The following SAP30L variants were observed in gnomAD, a reference collection of about 807,000 sequenced individuals.
SAP30L encodes the protein SAP30 like, also known as histone deacetylase complex subunit SAP30L.
In SAP30L, 10 loss-of-function variants were observed where a neutral mutation model predicts 22.3. The observed-to-expected ratio is 0.45, with a 90% CI of 0.28 to 0.76. SAP30L has a LOEUF of 0.76. Among genes scored for constraint, SAP30L ranks in the 30% least tolerant of loss-of-function variants. SAP30L has a pLI of 0.14. For missense variants in SAP30L, 206 were observed against 237.9 expected (o/e 0.87, Z 0.88); for synonymous variants, 91 against 94.1 (o/e 0.97, Z 0.19).
At position 154,451,222 on chromosome 5, in the gene SAP30L, CAAAG is replaced by C; in HGVS notation, c.324+13_324+16del. ...ACACTGACATTCCTGAGGTAAAGGT[CAAAG>C]AAACCAGTTGCGGAAGCTGGAAGAA... On this transcript the variant is annotated intron_variant, in intron 2 of 3. Coordinates refer to ENST00000297109, the MANE Select transcript of SAP30L (RefSeq NM_024632.6). 1.9e-6 allele frequency: 3 copies of C among 1,610,854 alleles called. No individual in the cohort carries two copies. Among genetic ancestry groups the C allele is most frequent in the Non-Finnish European group, 2.5e-6 (3 of 1,178,794 alleles).
chr5:154,447,384 A>G (rs1033412601), intron 1 of SAP30L, among the ~76,000 whole-genome samples: 6 of 152,214 alleles, frequency 3.9e-5, no homozygotes, highest in African/African-American at 1.4e-4. Context: ...ATGTGACTGG[A>G]GGGGGGAAGA....
chr5:154,451,614 A>G (rs1182507365), intron 2 of SAP30L, among the ~76,000 whole-genome samples: 2 of 152,284 alleles, frequency 1.3e-5, no homozygotes, highest in Non-Finnish European at 2.9e-5. Flanking sequence ...TTTTCCCCAA[A>G]AAATGAAGGT....
At chr5:154,453,567 C>G in intron 3 of SAP30L, 67 bp downstream of exon 3, 1 of 1,047,164 alleles carries the variant, frequency 9.5e-7, no homozygotes, top group Non-Finnish European at 1.5e-6. Flanking sequence ...TACCCTGATT[C>G]TCCCTTACCT....
rs752672594 is a variant in SAP30L, at chr5:154,455,888, C to T, written c.424-12C>T. The stretch of plus-strand genomic sequence containing the variant: ...ATGGTTTAAGGAACTTTGGTATTTT[C>T]CCCCCACATAGACTGTGAGTCGACA... On this transcript the variant is annotated splice_polypyrimidine_tract_variant and intron_variant, in intron 3 of 3. Coordinates refer to ENST00000297109, the MANE Select transcript of SAP30L (RefSeq NM_024632.6). 2 of 1,599,568 alleles carry T rather than the reference C, an allele frequency of 1.3e-6. No homozygotes were observed. Among genetic ancestry groups the T allele is most frequent in the Non-Finnish European group, 1.7e-6 (2 of 1,175,356 alleles).
rs1431127618 is a variant in SAP30L, at chr5:154,460,396, G to GCTGGCC, written c.*4374_*4379dup. 1 of 152,286 alleles carries GCTGGCC rather than the reference G, an allele frequency of 6.6e-6. No homozygotes were observed. The highest frequency in any genetic ancestry group is 1.5e-5 in the Non-Finnish European group (1 of 68,088). The allele number at this position is 152,286 out of a possible 1,614,324, so 9.4% of individuals were successfully genotyped here. On this transcript the variant is annotated 3_prime_UTR_variant, in exon 4 of 4. Coordinates refer to ENST00000297109, the MANE Select transcript of SAP30L (RefSeq NM_024632.6). ...CGATCCTTTGAGGTTGTGTAATTCA[G>GCTGGCC]CTGGCCCTGGCTCCTGGTCCCTGTT...
At chr5:154,451,390 C>G in intron 2 of SAP30L, 177 bp downstream of exon 2, 2 of 692,152 alleles carry the variant, frequency 2.9e-6, no homozygotes, top group Non-Finnish European at 4.7e-6. Context: ...AGCTTGGACA[C>G]CCACTGGTCA....
At chr5:154,455,539 C>G (rs964824570) in intron 3 of SAP30L, among the ~76,000 whole-genome samples, 1 of 152,232 alleles carries the variant, frequency 6.6e-6, no homozygotes, top group Non-Finnish European at 1.5e-5. Context: ...TTTCTTCCCA[C>G]TTTCAAGGCC....
rs201120654 is a variant in SAP30L, at chr5:154,451,178, G to A, written c.289G>A (p.Gly97Arg). The change falls in exon 2 of 4, where the codon GGA becomes AGA. Residue 97 changes from glycine (G) to arginine (R), a missense_variant. Gly to Arg is a moderately radical substitution (Grantham distance 125, BLOSUM62 -2). Transcript: ENST00000297109. The part of the protein sequence containing the change: ...KRKRKTSDDG[G>R]DSPEHDTDIP... Reference sequence around the variant, plus strand: ...GAAGAGGAAGACAAGTGACGATGGCGGAGATTCTCCCGAGCACGACACTGA... The same window carrying A: ...GAAGAGGAAGACAAGTGACGATGGCAGAGATTCTCCCGAGCACGACACTGA... The A allele has an allele frequency of 2.2e-5, 36 of 1,613,924 alleles. No individual in the cohort carries two copies. The highest frequency in any genetic ancestry group is 1.4e-5 in the Non-Finnish European group (16 of 1,179,996).
Position 154,453,441 on chromosome 5 carries a change from T to C in SAP30L, c.364T>C (p.Tyr122His). The C allele has an allele frequency of 1.2e-6, 2 of 1,614,144 alleles. No homozygotes were observed. Among genetic ancestry groups the C allele is most frequent in the South Asian group, 2.2e-5 (2 of 91,078 alleles). ...FQLQVNTLRR[Y>H]KRHYKLQTRP... ...GCTGCAGGTGAACACCCTACGACGT[T>C]ATAAACGACACTACAAGTTGCAGAC... Residue 122 changes from tyrosine to histidine, a missense_variant, in exon 3 of 4, where the codon TAT becomes CAT. Physicochemically the swap from Tyr to His is moderately conservative, Grantham distance 83. Coordinates refer to ENST00000297109, the MANE Select transcript of SAP30L (RefSeq NM_024632.6).
chr5:154,447,979 T>TTA (rs1187463688), intron 1 of SAP30L, among the ~76,000 whole-genome samples: 1 of 137,528 alleles, frequency 7.3e-6, no homozygotes, highest in African/African-American at 2.7e-5. Context: ...CTTTTTTTTT[T>TTA]TTTTTTTTTT....
chr5:154,455,971 GAAGAGTAAC>G lies in SAP30L; in HGVS notation c.503_511del (p.Asn168_Ser170del). The G allele has an allele frequency of 6.2e-7, 1 of 1,614,158 alleles. No individual in the cohort carries two copies. On this transcript the variant is annotated inframe_deletion, in exon 4 of 4. Coordinates refer to ENST00000297109, the MANE Select transcript of SAP30L (RefSeq NM_024632.6). ...CCCTTGCCTACTTCATCTACATGGT[GAAGAGTAAC>G]AAGAGTAGACTGGACCAGAAATCGG... is the stretch of plus-strand genomic sequence containing the variant.
chr5:154,447,969 C>CTTTTTTTTTTTTTTTTTTTTTTT (rs140213326), intron 1 of SAP30L, among the ~76,000 whole-genome samples: 50 of 88,376 alleles, frequency 5.7e-4, no homozygotes, highest in African/African-American at 8.7e-4. Flanking sequence ...TTTTCTTTTT[C>CTTTTTTTTTTTTTTTTTTTTTTT]TTTTTTTTTT....
intron 2 of SAP30L, among the ~76,000 whole-genome samples, chr5:154,452,100 G>A (rs1051159584): frequency 5.3e-5 from 8 of 152,178 alleles, no homozygotes; most frequent in African/African-American, 1.9e-4. Context: ...ACCGTTTATA[G>A]TGTACATTGA....
At position 154,455,917 on chromosome 5, in the gene SAP30L, C is replaced by T. The variant is rs990632261; in HGVS notation, c.441C>T (p.Phe147=). Residue 147 remains phenylalanine, a synonymous_variant, in exon 4 of 4, where the codon TTC becomes TTT. Transcript: ENST00000297109. Reference sequence around the variant, plus strand: ...CCACATAGACTGTGAGTCGACACTTCAGGAACATACCTGTGAATGAAAAAG... The same window carrying T: ...CCACATAGACTGTGAGTCGACACTTTAGGAACATACCTGTGAATGAAAAAG... ...AQLAETVSRH[F]RNIPVNEKET... 1.9e-6 allele frequency: 3 copies of T among 1,613,588 alleles called. No homozygotes were observed. The highest frequency in any genetic ancestry group is 2.7e-5 in the African/African-American group (2 of 74,920).
rs566956439 is a variant in SAP30L, at chr5:154,452,226, G to T, written c.324+1013G>T. ...TTTGTCTGCAGATGTGGAGGAAACCGTTGAAAATCTGGCCCTTTCCCTCTG... is the reference window on the plus strand; with the variant it reads ...TTTGTCTGCAGATGTGGAGGAAACCTTTGAAAATCTGGCCCTTTCCCTCTG... On this transcript the variant is annotated intron_variant, in intron 2 of 3. Transcript: ENST00000297109. 9.9e-5 allele frequency among the ~76,000 whole-genome samples: 15 copies of T among 152,262 alleles called. No individual in the cohort carries two copies. The South Asian group carries it at 2.3e-3, about 23-fold the overall frequency.
intron 1 of SAP30L, among the ~76,000 whole-genome samples, chr5:154,448,021 G>T (rs1757061805): frequency 1.5e-5 from 2 of 130,412 alleles, no homozygotes; most frequent in Middle Eastern, 5.2e-3. Flanking sequence ...TGTCACCCAG[G>T]CTGGAGTGCA....
chr5:154,446,586 A>G lies in SAP30L; in HGVS notation c.-19A>G. On this transcript the variant is annotated 5_prime_UTR_variant, in exon 1 of 4. Transcript: ENST00000297109. ...CTACCGGGGACCCTCCCCCAGAGGG[A>G]CCGGCCCGGGGCGGGGAGATGAACG... The G allele has an allele frequency of 6.9e-7, 1 of 1,452,100 alleles. No homozygotes were observed. Among genetic ancestry groups the G allele is most frequent in the Non-Finnish European group, 9.0e-7 (1 of 1,106,884 alleles). The allele number at this position is 1,452,100 out of a possible 1,614,324, so 90.0% of individuals were successfully genotyped here.
chr5:154,448,098 C>G (rs927429298), intron 1 of SAP30L, among the ~76,000 whole-genome samples: 1 of 151,584 alleles, frequency 6.6e-6, no homozygotes, highest in Non-Finnish European at 1.5e-5. Flanking sequence ...GCCTCAGCCT[C>G]CTGAATAGCT....
At chr5:154,450,982 T>A in intron 1 of SAP30L, 109 bp from the exon 2 acceptor site, 1 of 1,162,502 alleles carries the variant, frequency 8.6e-7, no homozygotes, top group Non-Finnish European at 1.3e-6. Context: ...TTGTCTTCCA[T>A]CTATCTCTCC....
Sources: allele counts gnomAD v4.1 joint callset (sites outside exome capture counted in the v4.1 genomes callset), GRCh38; gene constraint gnomAD v4.1.1; transcripts MANE v1.5; gene names NCBI Gene and HGNC (gene_info 2026-07-23, HGNC 2026-07-21).